Variants in KCNH3 observed in about 807,000 individuals in gnomAD.
The protein encoded by KCNH3 is voltage-gated inwardly rectifying potassium channel KCNH3.
Under a neutral mutation model 95.6 loss-of-function variants are expected in KCNH3, and 36 were observed. The ratio of observed to expected loss-of-function variants is 0.38; its 90% CI spans 0.29 to 0.50. The LOEUF (loss-of-function observed/expected upper bound fraction) is 0.50. Ranked by LOEUF, KCNH3 falls within the 20% of genes least tolerant of loss-of-function variation. KCNH3 has a pLI of 0.95. For synonymous variants in KCNH3, 620 were observed against 646.3 expected, an observed-to-expected ratio of 0.96 and a Z score of 0.62; for missense variants, 1,030 against 1,484.1, an observed-to-expected ratio of 0.69 and a Z score of 5.03.
intron 4 of KCNH3, 150 bp from the exon 5 acceptor site, chr12:49,543,124 TA>T: frequency 1.1e-6 from 1 of 910,160 alleles, no homozygotes; most frequent in Non-Finnish European, 1.6e-6. Context: ...TTCTGATCTA[TA>T]AAATGGAGAT....
At chr12:49,547,682 C>T (rs1055542883) in intron 7 of KCNH3, among the ~76,000 whole-genome samples, 5 of 152,080 alleles carry the variant, frequency 3.3e-5, no homozygotes, top group South Asian at 2.1e-4. Flanking sequence ...CAAGTGTGTG[C>T]GGGCCACAGG....
chr12:49,545,678 A>C (rs1938038613), intron 7 of KCNH3, among the ~76,000 whole-genome samples: 1 of 152,040 alleles, frequency 6.6e-6, no homozygotes, highest in Non-Finnish European at 1.5e-5. Flanking sequence ...GGTGTGAGCC[A>C]CCACACCCGG....
chr12:49,540,808 C>A, intron 1 of KCNH3, 91 bp from the exon 2 acceptor site: 1 of 1,045,940 alleles, frequency 9.6e-7, no homozygotes, highest in Non-Finnish European at 1.4e-6. Context: ...TTGGAAAACC[C>A]ACTCTTTGGT....
chr12:49,557,674 A>G lies in KCNH3; in HGVS notation c.2973A>G (p.Thr991=). The G allele has an allele frequency of 6.2e-7, 1 of 1,613,696 alleles. No homozygotes were observed. The highest frequency in any genetic ancestry group is 8.5e-7 in the Non-Finnish European group (1 of 1,179,964). ...ASQSSPWPRA[T]AFWTSTSDSE... is the part of the protein sequence containing the mutation. ...AGAGCTCCCCCTGGCCTCGAGCCAC[A>G]GCTTTCTGGACCTCCACCTCAGACT... Residue 991 remains threonine, a synonymous_variant, in exon 15 of 15, where the codon ACA becomes ACG. Coordinates refer to ENST00000257981, the MANE Select transcript of KCNH3 (RefSeq NM_012284.3).
In KCNH3 at chr12:49,544,586, C is replaced by T. The variant is rs73301269; in HGVS notation, c.1189+204C>T. ...CAGCAGCTGGGCCTTGTGGAGAAAG[C>T]CCAAGGAGTCCCAGTCGCCCATCCA... On this transcript the variant is annotated intron_variant, in intron 7 of 14. Transcript: ENST00000257981. Among the ~76,000 whole-genome samples, 900 of 152,260 alleles carry T rather than the reference C, an allele frequency of 5.9e-3. 10 individuals are homozygous for T. The highest frequency in any genetic ancestry group is 0.02 in the African/African-American group (823 of 41,518).
At position 49,550,166 on chromosome 12, in the gene KCNH3, G is replaced by A. The variant is rs1474868836; in HGVS notation, c.1755G>A (p.Ala585=). 10 of 1,608,574 alleles carry A rather than the reference G, an allele frequency of 6.2e-6. No homozygotes were observed. In the African/African-American group the frequency reaches 6.7e-5, roughly 11 times the overall value. ...KEVLQLPLFE[A]ASRGCLRALS... ...TCCTGCAGCTGCCACTGTTTGAGGC[G>A]GCCAGCCGCGGCTGCCTGCGGGCAC... Residue 585 remains alanine (A), a synonymous_variant, in exon 10 of 15, where the codon GCG becomes GCA. Transcript: ENST00000257981.
Position 49,557,196 on chromosome 12 carries a change from C to A in KCNH3, c.2589C>A (p.Leu863=). The change falls in exon 14 of 15, where the codon CTC becomes CTA. Residue 863 remains leucine (L), a synonymous_variant. Coordinates refer to ENST00000257981, the MANE Select transcript of KCNH3 (RefSeq NM_012284.3). ...TACTACCCACAGAGAGCGGCCTGCT[C>A]ACTGTTCCCCATGGGCCCAGCGAGG... ...SPSPGPESGL[L]TVPHGPSEAR... 1.9e-6 allele frequency: 3 copies of A among 1,613,982 alleles called. No individual in the cohort carries two copies. The highest frequency in any genetic ancestry group is 2.5e-6 in the Non-Finnish European group (3 of 1,179,996).
intron 6 of KCNH3, 22 bp downstream of exon 6, chr12:49,544,094 G>C: frequency 6.2e-7 from 1 of 1,606,624 alleles, no homozygotes; most frequent in Non-Finnish European, 8.5e-7. Context: ...TGGGCTGGCT[G>C]GGTGGGTGGG....
At position 49,544,187 on chromosome 12, in the gene KCNH3, C is replaced by T; in HGVS notation, c.994C>T (p.His332Tyr). Residue 332 changes from histidine to tyrosine, a missense_variant, in exon 7 of 15, where the codon CAT becomes TAT. By Grantham distance (83) the His-to-Tyr change is moderately conservative. This residue lies in a region of KCNH3 where 153 missense variants were observed against 288.5 expected (regional missense o/e 0.53). Coordinates refer to ENST00000257981, the MANE Select transcript of KCNH3 (RefSeq NM_012284.3). Reference protein sequence around the residue: ...AFKVNVYFGAHLLKTVRLLRL... With the variant: ...AFKVNVYFGAYLLKTVRLLRL... The stretch of plus-strand genomic sequence containing the variant: ...CCCCGCATCTCAGTACTTCGGGGCC[C>T]ATCTGCTGAAGACGGTGCGCCTGCT... The T allele has an allele frequency of 1.3e-6, 2 of 1,580,162 alleles. No homozygotes were observed. Among genetic ancestry groups the T allele is most frequent in the South Asian group, 1.1e-5 (1 of 89,228 alleles).
intron 11 of KCNH3, 58 bp from the exon 12 acceptor site, chr12:49,555,562 G>A (rs1473366548): frequency 1.8e-6 from 2 of 1,109,358 alleles, no homozygotes; most frequent in Non-Finnish European, 2.5e-6. Flanking sequence ...GGTAGGGGAG[G>A]TGAGTGGGAC....
intron 7 of KCNH3, among the ~76,000 whole-genome samples, chr12:49,548,125 TGTGTGTGTGC>T (rs1468933103): frequency 6.2e-5 from 9 of 144,090 alleles, no homozygotes; most frequent in Middle Eastern, 3.6e-3. Context: ...TGTGTGTGTG[TGTGTGTGTGC>T]GCGCGCACCT....
Position 49,555,722 on chromosome 12 carries a change from G to T in KCNH3, c.2239G>T (p.Asp747Tyr). The change falls in exon 12 of 15, where the codon GAT (aspartate) becomes TAT (tyrosine). Residue 747 changes from aspartate to tyrosine, a missense_variant. Physicochemically the swap from Asp to Tyr is radical, Grantham distance 160 (BLOSUM62 -3). Coordinates refer to ENST00000257981, the MANE Select transcript of KCNH3 (RefSeq NM_012284.3). ...QGPTVSPAPA[D>Y]EPSSPLLSPG... is the part of the protein sequence containing the mutation. ...CCCCACGGTCTCCCCAGCCCCAGCT[G>T]ATGAGCCCTCCAGCCCCCTGCTGTC... The T allele has an allele frequency of 6.2e-7, 1 of 1,612,968 alleles. No individual in the cohort carries two copies. The highest frequency in any genetic ancestry group is 1.7e-4 in the Middle Eastern group (1 of 5,962).
Position 49,557,190 on chromosome 12 carries a change from C to T in KCNH3, c.2583C>T (p.Gly861=), listed in dbSNP as rs1225368841. The change falls in exon 14 of 15, where the codon GGC becomes GGT. Residue 861 remains glycine (G), a synonymous_variant. Coordinates refer to ENST00000257981, the MANE Select transcript of KCNH3 (RefSeq NM_012284.3). ...CCATCCTACTACCCACAGAGAGCGG[C>T]CTGCTCACTGTTCCCCATGGGCCCA... is the stretch of plus-strand genomic sequence containing the variant. ...SSSPSPGPES[G]LLTVPHGPSE... is the part of the protein sequence containing the mutation. 6.2e-7 allele frequency: 1 copy of T among 1,613,862 alleles called. No homozygotes were observed. The highest frequency in any genetic ancestry group is 8.5e-7 in the Non-Finnish European group (1 of 1,179,974).
chr12:49,545,512 C>A (rs2138145549), intron 7 of KCNH3, among the ~76,000 whole-genome samples: 1 of 151,812 alleles, frequency 6.6e-6, no homozygotes, highest in South Asian at 2.1e-4. Context: ...CCTGCCTCAG[C>A]CTCCCAGGTA....
intron 13 of KCNH3, 116 bp from the exon 14 acceptor site, chr12:49,557,067 C>T: frequency 9.9e-7 from 1 of 1,011,988 alleles, no homozygotes; most frequent in Non-Finnish European, 1.5e-6. Context: ...AAGAGATGAT[C>T]CTAGGAGTCA....
chr12:49,553,702 A>G (rs947107340), intron 10 of KCNH3, among the ~76,000 whole-genome samples: 4 of 152,200 alleles, frequency 2.6e-5, no homozygotes, highest in Non-Finnish European at 5.9e-5. Flanking sequence ...GCCTGTGGGA[A>G]AACCTCCATT....
In KCNH3 at chr12:49,550,346, G is replaced by A; in HGVS notation, c.1918+17G>A. The A allele has an allele frequency of 6.3e-7, 1 of 1,589,360 alleles. No individual in the cohort carries two copies. ...CCATCCTAGGTTTGTGAGGGTGGGA[G>A]AGAGGGCGTGGGGGCACGTGTGTGT... On this transcript the variant is annotated intron_variant, in intron 10 of 14. Coordinates refer to ENST00000257981, the MANE Select transcript of KCNH3 (RefSeq NM_012284.3).
chr12:49,545,998 G>A (rs966139482), intron 7 of KCNH3: 1 of 152,038 alleles, frequency 6.6e-6, no homozygotes, highest in African/African-American at 2.4e-5. Context: ...GATGGACAAT[G>A]GTGAAACAAA....
chr12:49,553,527 C>T (rs1282394584), intron 10 of KCNH3, among the ~76,000 whole-genome samples: 1 of 152,166 alleles, frequency 6.6e-6, no homozygotes, highest in Non-Finnish European at 1.5e-5. Context: ...TCTACATTAA[C>T]TCTAATTTAG....
Sources: allele counts gnomAD v4.1 joint callset (sites outside exome capture counted in the v4.1 genomes callset), GRCh38; gene constraint gnomAD v4.1.1; regional missense constraint gnomAD v4.1.1; transcripts MANE v1.5; gene names NCBI Gene and HGNC (gene_info 2026-07-23, HGNC 2026-07-21).